Variants in GALNT16 observed in about 807,000 individuals in gnomAD.
The protein encoded by GALNT16 is UDP-GalNAc:polypeptide N-acetylgalactosaminyltransferase-like protein 1.
In GALNT16, 40 loss-of-function variants were observed where a neutral mutation model predicts 76.1. That is an observed-to-expected ratio of 0.53 (90% confidence interval 0.41 to 0.68). GALNT16 has a LOEUF of 0.68. Ranked by LOEUF, GALNT16 falls within the 30% of genes least tolerant of loss-of-function variation. The pLI is 0.00. For synonymous variants in GALNT16, 276 were observed against 285.2 expected (o/e 0.97, Z 0.32); for missense variants, 621 against 731.9 (o/e 0.85, Z 1.75).
At chr14:69,275,191 A>G (rs1157361935) in intron 1 of GALNT16, among the ~76,000 whole-genome samples, 1 of 152,166 alleles carries the variant, frequency 6.6e-6, no homozygotes, top group Admixed American at 6.5e-5. Context: ...CTTAGGGACT[A>G]GAAGGGTGCA....
At chr14:69,351,529 G>A in intron 14 of GALNT16, 1 of 152,526 alleles carries the variant, frequency 6.6e-6, no homozygotes, top group East Asian at 1.9e-4. Context: ...AAAAGCAAGA[G>A]CCCTGCTGGG....
intron 1 of GALNT16, among the ~76,000 whole-genome samples, chr14:69,304,785 T>C (rs1235855173): frequency 2.0e-5 from 3 of 152,256 alleles, no homozygotes; most frequent in Non-Finnish European, 4.4e-5. Context: ...ATCTGTGTTG[T>C]TGCAAATGGC....
chr14:69,260,407 C>A lies in GALNT16; in HGVS notation c.117C>A (p.Gly39=). The stretch of plus-strand genomic sequence containing the variant: ...ACGCAGCATCCTCCGGCGGCCGGGG[C>A]GCGCAGAGGGCAGGCAGGAGGTCGG... ...RAHAASSGGR[G]AQRAGRRSEQ... The change falls in exon 1 of 15, where the codon GGC becomes GGA. Residue 39 remains glycine (G), a synonymous_variant. Coordinates refer to ENST00000448469, the MANE Select transcript of GALNT16 (RefSeq NM_001168368.2). 1.2e-6 allele frequency: 2 copies of A among 1,602,850 alleles called. No individual in the cohort carries two copies. The highest frequency in any genetic ancestry group is 1.1e-5 in the South Asian group (1 of 89,600).
intron 2 of GALNT16, among the ~76,000 whole-genome samples, chr14:69,321,236 G>A (rs2045178460): frequency 1.3e-5 from 2 of 152,218 alleles, no homozygotes; most frequent in African/African-American, 4.8e-5. Flanking sequence ...ATTGCAAACA[G>A]TGGGGTGCTG....
Position 69,264,819 on chromosome 14 carries a change from C to CTTTTTTT in GALNT16, c.177+4357_177+4363dup, listed in dbSNP as rs60818532. On this transcript the variant is annotated intron_variant, in intron 1 of 14. Coordinates refer to ENST00000448469, the MANE Select transcript of GALNT16 (RefSeq NM_001168368.2). ...TTTATTTTCTCTTTTCTTTTTCTTT[C>CTTTTTTT]TTTTTTTTTTTGGACACAGGGTCTC... 2.5e-3 allele frequency among the ~76,000 whole-genome samples: 244 copies of CTTTTTTT among 96,566 alleles called. 20 individuals are homozygous for CTTTTTTT. Among genetic ancestry groups the CTTTTTTT allele is most frequent in the Middle Eastern group, 0.011 (2 of 188 alleles). The allele number at this position is 96,566 out of a possible 152,430, so 63.4% of individuals were successfully genotyped here.
Position 69,261,842 on chromosome 14 carries a change from T to C in GALNT16, c.177+1375T>C, listed in dbSNP as rs891644059. On this transcript the variant is annotated intron_variant, in intron 1 of 14. Transcript: ENST00000448469. This position sits in a 1 kb window ranked among gnomAD's most constrained non-coding sequence, Gnocchi z 6.4. ...TTGTGGGTTTTGTCCTAGATACCAG[T>C]CTGGGTGAACTCTCTGGGGGCAAGC... Among the ~76,000 whole-genome samples, 13 of 152,108 alleles carry C rather than the reference T, an allele frequency of 8.5e-5. No homozygotes were observed. The highest frequency in any genetic ancestry group is 3.1e-4 in the African/African-American group (13 of 41,484).
At chr14:69,380,661 A>T in the GALNT16 span, 1 of 1,453,162 alleles carries the variant, frequency 6.9e-7, no homozygotes, top group Non-Finnish European at 9.7e-7. Context: ...AAAGGGAATA[A>T]GCAAAGTCAC....
chr14:69,319,218 C>T (rs2140160756), intron 1 of GALNT16, among the ~76,000 whole-genome samples: 1 of 152,314 alleles, frequency 6.6e-6, no homozygotes, highest in Middle Eastern at 3.4e-3. Context: ...GGTAGTATCG[C>T]TACAGAGTGG....
chr14:69,312,087 A>ATCTG (rs66572003), intron 1 of GALNT16, among the ~76,000 whole-genome samples: 2 of 150,960 alleles, frequency 1.3e-5, no homozygotes, highest in African/African-American at 4.9e-5. Context: ...CTATCTATCT[A>ATCTG]TCTATCTATC....
Position 69,326,019 on chromosome 14 carries a change from G to A in GALNT16, c.560G>A (p.Arg187Gln), listed in dbSNP as rs571403849. ...AAGGTCAAGTGCCTGCGCAATGATC[G>A]GCGGGAAGGTGAGTCCTTGCACCCT... is the stretch of plus-strand genomic sequence containing the variant. The part of the protein sequence containing the change: ...IPKVKCLRND[R>Q]REGLIRSRVR... Residue 187 changes from arginine (R) to glutamine (Q), a missense_variant, in exon 5 of 15, where the codon CGG becomes CAG. Transcript: ENST00000448469. 1.3e-4 allele frequency: 202 copies of A among 1,613,564 alleles called. 1 individual carries two copies. Among genetic ancestry groups the A allele is most frequent in the South Asian group, 1.5e-4 (14 of 91,070 alleles).
At chr14:69,320,622 G>C in intron 1 of GALNT16, 89 bp from the exon 2 acceptor site, 1 of 1,213,612 alleles carries the variant, frequency 8.2e-7, no homozygotes, top group South Asian at 1.5e-5. Context: ...AGGCCACGTG[G>C]CTGGCTCCCG....
chr14:69,382,649 T>C, the GALNT16 span, among the ~76,000 whole-genome samples: 14 of 151,154 alleles, frequency 9.3e-5, no homozygotes, highest in Non-Finnish European at 2.9e-5. Flanking sequence ...CTGACCAACA[T>C]TGTGAAACCC....
the GALNT16 span, among the ~76,000 whole-genome samples, chr14:69,364,401 G>A: frequency 6.6e-6 from 1 of 152,226 alleles, no homozygotes. The surrounding 1 kb of genome is among the most constrained non-coding windows in gnomAD (Gnocchi z 4.2). Context: ...CAGCAGAGAT[G>A]ATGCGGTACA....
At chr14:69,276,274 G>A (rs2044470033) in intron 1 of GALNT16, among the ~76,000 whole-genome samples, 1 of 152,232 alleles carries the variant, frequency 6.6e-6, no homozygotes, top group African/African-American at 2.4e-5. Flanking sequence ...TTATGACAGT[G>A]AGTGTCCTGG....
the GALNT16 span, among the ~76,000 whole-genome samples, chr14:69,373,711 CTTTTCTT>C: frequency 1.3e-5 from 2 of 151,972 alleles, no homozygotes; most frequent in South Asian, 2.1e-4. Flanking sequence ...TTCTCTTTTT[CTTTTCTT>C]TTTTCTTTCT....
At chr14:69,358,000 G>T (rs1446285925), downstream of GALNT16, 2 of 149,078 alleles carry the variant, frequency 1.3e-5, no homozygotes, top group African/African-American at 4.9e-5. Context: ...ACTACAAGAG[G>T]GAGAAGCCAG....
intron 1 of GALNT16, among the ~76,000 whole-genome samples, chr14:69,279,092 T>C (rs2044508643): frequency 6.6e-6 from 1 of 152,098 alleles, no homozygotes; most frequent in Non-Finnish European, 1.5e-5. Context: ...CCACCACTCC[T>C]GGCTAATTTT....
intron 1 of GALNT16, among the ~76,000 whole-genome samples, chr14:69,263,249 C>T (rs1286736139): frequency 6.6e-6 from 1 of 152,174 alleles, no homozygotes; most frequent in Admixed American, 6.5e-5. Flanking sequence ...TTCATATCTC[C>T]TTAATATTTT....
intron 12 of GALNT16, among the ~76,000 whole-genome samples, chr14:69,346,558 C>T (rs991364262): frequency 6.6e-6 from 1 of 152,202 alleles, no homozygotes; most frequent in Non-Finnish European, 1.5e-5. Context: ...AATGTACATA[C>T]ATGGTAAATA....
Sources: gnomAD v4.1 joint callset for allele counts (sites outside exome capture counted in the v4.1 genomes callset) on GRCh38, gnomAD v4.1.1 for gene constraint, Gnocchi (gnomAD v3.1) non-coding constraint, MANE v1.5 for transcripts, NCBI Gene and HGNC (gene_info 2026-07-23, HGNC 2026-07-21) for gene names.